GLA: variants seen among roughly 807,000 people sequenced by gnomAD.
GLA encodes the protein galactosidase alpha.
GLA carries 4 observed loss-of-function variants against 28.2 expected under a neutral mutation model. The ratio of observed to expected loss-of-function variants is 0.14; its 90% confidence interval spans 0.07 to 0.32. GLA has a LOEUF of 0.32. GLA is among the 10% of genes least tolerant of loss of function. The pLI is 1.00. For synonymous variants in GLA, 94 were observed against 113.0 expected (o/e 0.83, Z 1.07); for missense variants, 203 against 323.7 (o/e 0.63, Z 2.86).
chrX:101,407,671 T>C (rs782515589), intron 1 of GLA, 39 bp downstream of exon 1: 9 of 1,151,468 alleles, frequency 7.8e-6, no homozygotes, highest in Non-Finnish European at 1.1e-5. Context: ...CCCAAACACA[T>C]GGAAAAGCAA....
intron 1 of GLA, among the ~76,000 whole-genome samples, chrX:101,405,781 G>A (rs1299205903): frequency 9.2e-6 from 1 of 109,180 alleles, no homozygotes; most frequent in Admixed American, 9.9e-5. Context: ...TTAGCTGGCC[G>A]TGGTGGTGTG....
rs1358821080 is a variant in GLA at position 101,401,489 on chromosome X, G to T, written c.547+143C>A. 8 of 552,581 alleles carry T rather than the reference G, an allele frequency of 1.4e-5. No individual in the cohort carries two copies. In the African/African-American group the frequency reaches 1.8e-4, roughly 13 times the overall value. The allele number at this position is 552,581 out of a possible 1,213,427, so 45.5% of individuals were successfully genotyped here. A position where few individuals can be genotyped will look rare whatever the true frequency, so the allele number is the denominator to read the frequency against. ...TTAATTAATGAACTGAAAGAGAAGA[G>T]ATGGGAGCTCTGGCACATGGAGAAT... On this transcript the variant is annotated intron_variant, in intron 3 of 6. Transcript: ENST00000218516.
chrX:101,403,731 G>A (rs1196418332), intron 2 of GLA, 80 bp downstream of exon 2: 2 of 1,005,780 alleles, frequency 2.0e-6, no homozygotes, highest in Non-Finnish European at 2.8e-6. Flanking sequence ...GCCCGGCCAT[G>A]AGGGCTGTTT....
At chrX:101,405,612 G>A (rs929383199) in intron 1 of GLA, among the ~76,000 whole-genome samples, 1 of 110,951 alleles carries the variant, frequency 9.0e-6, no homozygotes, top group Non-Finnish European at 1.9e-5. Context: ...TATTTGCAAG[G>A]TATGATAGAC....
At chrX:101,401,858 G>GA in intron 2 of GLA, 49 bp from the exon 3 acceptor site, 2 of 1,092,464 alleles carry the variant, frequency 1.8e-6, no homozygotes, top group Non-Finnish European at 2.5e-6. Flanking sequence ...GCACAATCGT[G>GA]AGGTAGCAGA....
Position 101,398,391 on chromosome X carries a change from C to T in GLA, c.978G>A (p.Lys326=), listed in dbSNP as rs151195362. The T allele has an allele frequency of 1.7e-4, 206 of 1,204,535 alleles. No homozygotes were observed. In the African/African-American group the frequency reaches 2.8e-3, roughly 17 times the overall value. ...TTACCTGTCTAAGCTGGTACCCTTG[C>T]TTGCCCAAGGGGTCCTGATTGATGG... ...VIAINQDPLG[K]QGYQLRQGDN... The change falls in exon 6 of 7, where the codon AAG becomes AAA. Residue 326 remains lysine, a synonymous_variant. Coordinates refer to ENST00000218516, the MANE Select transcript of GLA (RefSeq NM_000169.3).
At chrX:101,404,362 T>C (rs1421949620) in intron 1 of GLA, among the ~76,000 whole-genome samples, 1 of 111,352 alleles carries the variant, frequency 9.0e-6, no homozygotes, top group Non-Finnish European at 1.9e-5. Context: ...CAACCTAAAA[T>C]GCCTAGAGAT....
chrX:101,398,280 T>C, intron 6 of GLA, 90 bp downstream of exon 6: 1 of 806,049 alleles, frequency 1.2e-6, no homozygotes. Context: ...GATAGTAACA[T>C]CAAGAGCAAG....
At position 101,401,635 on chromosome X, in the gene GLA, C is replaced by A; in HGVS notation, c.544G>T (p.Asp182Tyr). The change falls in exon 3 of 7, where the codon GAT becomes TAT. Residue 182 changes from aspartate (D) to tyrosine (Y), a missense_variant. Physicochemically the swap from Asp to Tyr is radical, Grantham distance 160. This residue lies in a region of GLA where 162 missense variants were observed against 246.8 expected (regional missense o/e 0.66). Transcript: ENST00000218516. ...AATCTCTGGAATGAAACATTACCAT[C>A]TGCCAAATTTTCCAAACTGTCACAG... ...CYCDSLENLA[D>Y]GYKHMSLALN... 1 of 1,208,611 alleles carries A rather than the reference C, an allele frequency of 8.3e-7. No homozygotes were observed. The highest frequency in any genetic ancestry group is 1.1e-6 in the Non-Finnish European group (1 of 892,615).
At chrX:101,398,676 C>T in intron 5 of GLA, 109 bp from the exon 6 acceptor site, 1 of 1,022,246 alleles carries the variant, frequency 9.8e-7, no homozygotes, top group East Asian at 3.0e-5. Context: ...GCTCTAAGTA[C>T]TCTCACATAA....
chrX:101,399,041 GT>G, intron 4 of GLA, 95 bp from the exon 5 acceptor site: 1 of 778,065 alleles, frequency 1.3e-6, no homozygotes, highest in Non-Finnish European at 2.0e-6. Context: ...CTTCTCTTGA[GT>G]TTACAGATTG....
intron 1 of GLA, among the ~76,000 whole-genome samples, chrX:101,406,199 G>A (rs1603046324): frequency 2.2e-5 from 2 of 92,009 alleles, no homozygotes; most frequent in African/African-American, 8.3e-5. Flanking sequence ...GCGACAGAGC[G>A]AGACCCCGTC....
intron 1 of GLA, among the ~76,000 whole-genome samples, chrX:101,405,896 T>C (rs1326953707): frequency 1.7e-4 from 17 of 97,216 alleles, no homozygotes; most frequent in South Asian, 4.9e-4. Flanking sequence ...CCAACCTGGG[T>C]GACAGAGTGA....
chrX:101,399,523 C>T (rs983381662), intron 4 of GLA, among the ~76,000 whole-genome samples: 1 of 112,128 alleles, frequency 8.9e-6, no homozygotes, highest in Non-Finnish European at 1.9e-5. Context: ...GAGATGGCGC[C>T]ACTGCACTCT....
intron 5 of GLA, 32 bp from the exon 6 acceptor site, chrX:101,398,599 AGAG>A (rs781949898): frequency 3.5e-6 from 4 of 1,141,748 alleles, no homozygotes; most frequent in Non-Finnish European, 4.8e-6. Flanking sequence ...TTCAAACAAG[AGAG>A]GAGGAAACAT....
chrX:101,402,776 GTCT>G (rs1271286075), intron 2 of GLA, among the ~76,000 whole-genome samples: 1 of 110,516 alleles, frequency 9.0e-6, no homozygotes, highest in East Asian at 2.8e-4. Context: ...AAAAAAATCT[GTCT>G]TCATCATCTT....
intron 3 of GLA, 56 bp from the exon 4 acceptor site, chrX:101,400,813 CTATATA>C (rs1206858829): frequency 5.1e-6 from 3 of 589,276 alleles, no homozygotes; most frequent in African/African-American, 4.5e-5. Context: ...CCAGCTGGGG[CTATATA>C]TATAGTTATT....
chrX:101,404,566 CTTTTTTT>C (rs1171364737), intron 1 of GLA, among the ~76,000 whole-genome samples: 1 of 79,215 alleles, frequency 1.3e-5, no homozygotes, highest in Non-Finnish European at 2.3e-5. Context: ...TCCTTTTTAT[CTTTTTTT>C]TTTTTTTTTT....
At chrX:101,407,461 C>CGAGAGA (rs782246787) in intron 1 of GLA, among the ~76,000 whole-genome samples, 4 of 103,728 alleles carry the variant, frequency 3.9e-5, no homozygotes, top group Middle Eastern at 4.9e-3. Flanking sequence ...AGAAGGAGAA[C>CGAGAGA]GAGAGAGAGA....
Sources: gnomAD v4.1 joint callset for allele counts (sites outside exome capture counted in the v4.1 genomes callset) on GRCh38, gnomAD v4.1.1 for gene constraint, gnomAD v4.1.1 regional missense constraint, MANE v1.5 for transcripts, NCBI Gene and HGNC (gene_info 2026-07-23, HGNC 2026-07-21) for gene names.